Variants in LAMA5 observed in about 807,000 individuals in gnomAD.
LAMA5 encodes laminin subunit alpha 5, also known as laminin subunit alpha-5.
A neutral mutation model predicts 433.4 loss-of-function variants in LAMA5; 260 were observed. The observed-to-expected ratio is 0.60, with a 90% CI of 0.54 to 0.66. The LOEUF (loss-of-function observed/expected upper bound fraction) is 0.66, where lower values mean the gene tolerates loss of function less well. LAMA5 is among the 30% of genes least tolerant of loss of function. The pLI, the probability that LAMA5 is intolerant of heterozygous loss-of-function variation, is 0.00. For missense variants in LAMA5, 5,378 were observed against 5,258.5 expected (o/e 1.02, Z -0.70); for synonymous variants, 2,620 against 2,226.6 (o/e 1.18, Z -4.97).
At chr20:62,318,771 G>T in intron 52 of LAMA5, 72 bp downstream of exon 52, 2 of 1,578,788 alleles carry the variant, frequency 1.3e-6, no homozygotes. Context: ...GCCACTCCAT[G>T]CTGACCTCCC....
intron 11 of LAMA5, among the ~76,000 whole-genome samples, chr20:62,340,496 A>G (rs1982434675): frequency 6.6e-6 from 1 of 151,220 alleles, no homozygotes; most frequent in Non-Finnish European, 1.5e-5. Flanking sequence ...TTTTTAGTAG[A>G]GACGGGGTTT....
At chr20:62,325,073 G>A in intron 41 of LAMA5, 1 of 204,060 alleles carries the variant, frequency 4.9e-6, no homozygotes, top group Non-Finnish European at 9.6e-6. Context: ...GGGTATGGAG[G>A]GTGTGTGCAT....
rs752546769 is a variant in LAMA5, at chr20:62,310,728, G to A, written c.10383C>T (p.His3461=). ...GPHRQHQGAE[H]PQPHTLFVGG... ...CCACAAAGAGGGTGTGGGGCTGGGGGTGCTCTGCCCCCTGGTGCTGCCGGT... is the reference window on the plus strand; with the variant it reads ...CCACAAAGAGGGTGTGGGGCTGGGGATGCTCTGCCCCCTGGTGCTGCCGGT... Residue 3461 remains histidine (H), a synonymous_variant, in exon 75 of 80, where the codon CAC becomes CAT. Coordinates refer to ENST00000252999, the MANE Select transcript of LAMA5 (RefSeq NM_005560.6). 32 of 1,592,600 alleles carry A rather than the reference G, an allele frequency of 2.0e-5. No individual in the cohort carries two copies. The highest frequency in any genetic ancestry group is 4.0e-5 in the African/African-American group (3 of 74,664).
intron 18 of LAMA5, 30 bp from the exon 19 acceptor site, chr20:62,335,299 T>C (rs199682264): frequency 1.9e-6 from 3 of 1,609,916 alleles, no homozygotes; most frequent in Non-Finnish European, 2.5e-6. Context: ...ACTCAGATGC[T>C]TGGTGGGGCA....
Position 62,311,084 on chromosome 20 carries a change from A to G in LAMA5, c.10099T>C (p.Ser3367Pro). 1.9e-6 allele frequency: 3 copies of G among 1,581,940 alleles called. No individual in the cohort carries two copies. Among genetic ancestry groups the G allele is most frequent in the Non-Finnish European group, 1.7e-6 (2 of 1,162,788 alleles). The change falls in exon 74 of 80, where the codon TCC becomes CCC. Residue 3367 changes from serine (S) to proline (P), a missense_variant. By Grantham distance (74) the Ser-to-Pro change is moderately conservative (BLOSUM62 -1). Transcript: ENST00000252999. Reference protein sequence around the residue: ...LARHRNWPSLSMHVLPRSSRG... With the variant: ...LARHRNWPSLPMHVLPRSSRG... ...GAGCTTCGCGGGAGGACGTGCATGG[A>G]GAGACTGGGCCTGGAAGCGGAGCTG...
chr20:62,311,822 C>T (rs45576633), intron 70 of LAMA5, 38 bp from the exon 71 acceptor site: 2 of 1,537,528 alleles, frequency 1.3e-6, no homozygotes, highest in South Asian at 1.2e-5. Flanking sequence ...TTTTTCCCCA[C>T]CCTGCCCACC....
chr20:62,309,649 G>GGGTGGGGGGGGGAGGT, intron 79 of LAMA5, 67 bp downstream of exon 79: 1 of 1,093,966 alleles, frequency 9.1e-7, no homozygotes, highest in South Asian at 1.9e-5. Flanking sequence ...TGGGGGGAGG[G>GGGTGGGGGGGGGAGGT]TGGTAGGTTA....
Position 62,327,564 on chromosome 20 carries a change from C to T in LAMA5, c.4903G>A (p.Glu1635Lys), listed in dbSNP as rs1979524451. Residue 1635 changes from glutamate to lysine, a missense_variant, in exon 37 of 80, where the codon GAG becomes AAG. Coordinates refer to ENST00000252999, the MANE Select transcript of LAMA5 (RefSeq NM_005560.6). ...CTRCFCFGAT[E>K]RCRSSSYTRQ... is the part of the protein sequence containing the mutation. Reference sequence around the variant, plus strand: ...GTGTAGGACGAGCTCCGGCAGCGCTCCGTGGCCCCAAAGCAGAAGCAGCGG... The same window carrying T: ...GTGTAGGACGAGCTCCGGCAGCGCTTCGTGGCCCCAAAGCAGAAGCAGCGG... The T allele has an allele frequency of 2.5e-6, 4 of 1,612,904 alleles. No homozygotes were observed. The East Asian group carries it at 8.9e-5, about 36-fold the overall frequency.
chr20:62,340,035 TGAG>T (rs140345737), intron 11 of LAMA5, among the ~76,000 whole-genome samples: 2,070 of 149,794 alleles, frequency 0.014, 59 homozygotes, highest in African/African-American at 0.048. Context: ...CACAGAGGAG[TGAG>T]GACGGAAGGC....
At position 62,330,585 on chromosome 20, in the gene LAMA5, G is replaced by A. The variant is rs1254570431; in HGVS notation, c.3882C>T (p.Pro1294=). The A allele has an allele frequency of 1.3e-6, 2 of 1,593,438 alleles. No individual in the cohort carries two copies. Among genetic ancestry groups the A allele is most frequent in the Non-Finnish European group, 1.7e-6 (2 of 1,171,786 alleles). ...QATVVFTTHV[P]TLGRYAFLLH... ...GCAGGAAGGCATAGCGGCCCAGCGT[G>A]GGCACATGGGTGGTGAAGACCACGG... Residue 1294 remains proline, a synonymous_variant, in exon 31 of 80, where the codon CCC becomes CCT. Coordinates refer to ENST00000252999, the MANE Select transcript of LAMA5 (RefSeq NM_005560.6).
intron 6 of LAMA5, 138 bp downstream of exon 6, chr20:62,351,566 C>A: frequency 2.6e-6 from 2 of 763,768 alleles, no homozygotes; most frequent in East Asian, 2.7e-5. Flanking sequence ...GTGGTCAGTG[C>A]AGGTCACACA....
chr20:62,351,663 G>A (rs1360155176), intron 6 of LAMA5, 41 bp downstream of exon 6: 17 of 1,582,738 alleles, frequency 1.1e-5, no homozygotes, highest in Admixed American at 1.1e-4. Context: ...GAGCTGGGGG[G>A]GGCCTCACCT....
In LAMA5 at chr20:62,312,866, C is replaced by G. The variant is rs774759820; in HGVS notation, c.9078+22G>C. 1.9e-6 allele frequency: 3 copies of G among 1,599,446 alleles called. No homozygotes were observed. In the South Asian group the frequency reaches 3.3e-5, roughly 18 times the overall value. On this transcript the variant is annotated intron_variant, in intron 66 of 79. Coordinates refer to ENST00000252999, the MANE Select transcript of LAMA5 (RefSeq NM_005560.6). ...CGTTCCATCTCCTCTCCCTGCCACCCTGGTCCCCACCCTGGCCCTACCGCC... is the reference window on the plus strand; with the variant it reads ...CGTTCCATCTCCTCTCCCTGCCACCGTGGTCCCCACCCTGGCCCTACCGCC...
At chr20:62,365,311 G>T (rs521205) in intron 1 of LAMA5, among the ~76,000 whole-genome samples, 4 of 152,270 alleles carry the variant, frequency 2.6e-5, no homozygotes, top group South Asian at 2.1e-4. Context: ...TCAGGTGAGG[G>T]GGGCCAGCAC....
chr20:62,322,637 C>T (rs1203780811), intron 46 of LAMA5, 21 bp downstream of exon 46: 4 of 1,464,678 alleles, frequency 2.7e-6, no homozygotes, highest in East Asian at 2.5e-5. Flanking sequence ...CCACCCAGCC[C>T]TGCTTACCCC....
chr20:62,320,547 T>C lies in LAMA5; in HGVS notation c.6759+12A>G. ...AGCCTCCCGGGGCCCTGGGGGGTCT[T>C]GGGGCTCCTGCCTGGCCGCCTAGCC... On this transcript the variant is annotated intron_variant, in intron 50 of 79. Transcript: ENST00000252999. 2 of 1,576,400 alleles carry C rather than the reference T, an allele frequency of 1.3e-6. No homozygotes were observed. Among genetic ancestry groups the C allele is most frequent in the Non-Finnish European group, 1.7e-6 (2 of 1,167,800 alleles).
rs978680340 is a variant in LAMA5, at chr20:62,310,990, T to C, written c.10193A>G (p.Asn3398Ser). The change falls in exon 74 of 80, where the codon AAT (asparagine) becomes AGT (serine). Residue 3398 changes from asparagine (N) to serine (S), a missense_variant. Transcript: ENST00000252999. Reference protein sequence around the residue: ...GSPSLALFLSNGHFVAQMEGL... With the variant: ...GSPSLALFLSSGHFVAQMEGL... ...TTCCATCTGTGCAACGAAGTGGCCA[T>C]TGCTCAGGAAGAGCGCCAGGGAGGG... The C allele has an allele frequency of 9.9e-6, 16 of 1,611,234 alleles. No individual in the cohort carries two copies. Among genetic ancestry groups the C allele is most frequent in the Admixed American group, 1.7e-5 (1 of 59,908 alleles).
At position 62,330,914 on chromosome 20, in the gene LAMA5, C is replaced by A. The variant is rs954711043; in HGVS notation, c.3681G>T (p.Lys1227Asn). Residue 1227 changes from lysine to asparagine, a missense_variant, in exon 30 of 80, where the codon AAG (lysine) becomes AAT (asparagine). By Grantham distance (94) the Lys-to-Asn change is moderately conservative. Coordinates refer to ENST00000252999, the MANE Select transcript of LAMA5 (RefSeq NM_005560.6). ...SAACLPSRFP[K>N]PPQPIILRDC... is the part of the protein sequence containing the mutation. ...CCCTGAGGATGATGGGCTGGGGCGG[C>A]TTTGGGAAGCGCGAGGGCAGACAGG... 3 of 1,548,726 alleles carry A rather than the reference C, an allele frequency of 1.9e-6. No individual in the cohort carries two copies. The African/African-American group carries it at 4.1e-5, about 21-fold the overall frequency.
chr20:62,335,875 C>T (rs1981518202), intron 18 of LAMA5, among the ~76,000 whole-genome samples: 1 of 145,518 alleles, frequency 6.9e-6, no homozygotes, highest in African/African-American at 2.6e-5. Flanking sequence ...TGCACCCCAA[C>T]ATTCCCTCCA....
Sources: allele counts gnomAD v4.1 joint callset (sites outside exome capture counted in the v4.1 genomes callset), GRCh38; gene constraint gnomAD v4.1.1; transcripts MANE v1.5; gene names NCBI Gene and HGNC (gene_info 2026-07-23, HGNC 2026-07-21).